ECT2: variants seen among roughly 807,000 people sequenced by gnomAD.
ECT2 encodes epithelial cell transforming 2.
ECT2 carries 61 observed loss-of-function variants against 116.9 expected under a neutral mutation model. The ratio of observed to expected loss-of-function variants is 0.52; its 90% CI spans 0.42 to 0.65. The LOEUF (loss-of-function observed/expected upper bound fraction) is 0.65. Ranked by LOEUF, ECT2 falls within the 30% of genes least tolerant of loss-of-function variation. The pLI, the probability that ECT2 is intolerant of heterozygous loss-of-function variation, is 0.00. For synonymous variants in ECT2, 358 were observed against 346.4 expected (o/e 1.03, Z -0.37); for missense variants, 937 against 1,078.7 (o/e 0.87, Z 1.84).
chr3:172,754,639 G>T lies in ECT2; in HGVS notation c.109G>T (p.Gly37Ter). ...GATTTCCAAGGAAAACTTACTTATTGGATCTACTTCATATGTAGAAGGTAA... is the reference window on the plus strand; with the variant it reads ...GATTTCCAAGGAAAACTTACTTATTTGATCTACTTCATATGTAGAAGGTAA... ...TEISKENLLIGSTSYVEEEMP... is the reference protein window; with the variant it reads ...TEISKENLLI The change falls in exon 2 of 25, where the codon GGA becomes TGA. Residue 37 changes from glycine (G) to a stop codon, truncating the protein, a stop_gained. Coordinates refer to ENST00000392692, the MANE Select transcript of ECT2 (RefSeq NM_001258315.2). LOFTEE classifies it high-confidence loss of function. 6.2e-7 allele frequency: 1 copy of T among 1,609,662 alleles called. No homozygotes were observed. The highest frequency in any genetic ancestry group is 8.5e-7 in the Non-Finnish European group (1 of 1,177,236).
chr3:172,807,705 C>A, intron 21 of ECT2, 65 bp from the exon 22 acceptor site: 1 of 1,524,724 alleles, frequency 6.6e-7, no homozygotes, highest in Non-Finnish European at 8.9e-7. Flanking sequence ...GGGAACTAAA[C>A]TTGCATACAT....
chr3:172,820,269 T>A lies in ECT2; in HGVS notation c.*32T>A. The A allele has an allele frequency of 6.7e-7, 1 of 1,484,310 alleles. No homozygotes were observed. Among genetic ancestry groups the A allele is most frequent in the Non-Finnish European group, 9.3e-7 (1 of 1,076,842 alleles). 91.9% of individuals were successfully genotyped at this position (1,484,310 alleles called of 1,614,324 possible). On this transcript the variant is annotated 3_prime_UTR_variant, in exon 25 of 25. Transcript: ENST00000392692. ...ACCAAAATCTTAAATTATAGAAATG[T>A]ATAGACACCTCATACTCAAATAAGA... is the stretch of plus-strand genomic sequence containing the variant.
rs184727463 is a variant in ECT2 at position 172,760,815 on chromosome 3, G to A, written c.684+552G>A. Among the ~76,000 whole-genome samples, 704 of 148,974 alleles carry A rather than the reference G, an allele frequency of 4.7e-3. 9 individuals are homozygous for A. Among genetic ancestry groups the A allele is most frequent in the South Asian group, 0.045 (211 of 4,688 alleles). On this transcript the variant is annotated intron_variant, in intron 7 of 24. Transcript: ENST00000392692. Reference sequence around the variant, plus strand: ...GGCTCACTGCAAGCTCCGCCTCCTGGGTTCACGCCATTCTCCTGCCTCAGC... The same window carrying A: ...GGCTCACTGCAAGCTCCGCCTCCTGAGTTCACGCCATTCTCCTGCCTCAGC...
chr3:172,786,425 A>T, intron 17 of ECT2, 68 bp from the exon 18 acceptor site: 2 of 976,600 alleles, frequency 2.0e-6, no homozygotes, highest in Middle Eastern at 4.5e-4. Flanking sequence ...CAAGATGGAC[A>T]GCATTTTAGT....
At chr3:172,782,859 A>C (rs1471261000) in intron 15 of ECT2, among the ~76,000 whole-genome samples, 1 of 151,740 alleles carries the variant, frequency 6.6e-6, no homozygotes, top group African/African-American at 2.4e-5. Flanking sequence ...GTTCCTGCAA[A>C]GGGCATGATC....
At chr3:172,788,941 C>T (rs1724100509) in intron 18 of ECT2, among the ~76,000 whole-genome samples, 1 of 151,564 alleles carries the variant, frequency 6.6e-6, no homozygotes, top group Non-Finnish European at 1.5e-5. Flanking sequence ...GCCTGTAATC[C>T]CAGCTACTTG....
intron 12 of ECT2, among the ~76,000 whole-genome samples, chr3:172,765,780 T>C (rs1719257044): frequency 6.6e-6 from 1 of 152,202 alleles, no homozygotes; most frequent in African/African-American, 2.4e-5. Context: ...CTCATCTGCC[T>C]AATCTCATGT....
At chr3:172,776,831 A>G (rs757207079) in intron 14 of ECT2, among the ~76,000 whole-genome samples, 3 of 151,840 alleles carry the variant, frequency 2.0e-5, no homozygotes, top group Non-Finnish European at 4.4e-5. Flanking sequence ...ATTTTATAAT[A>G]TCACATAGTG....
chr3:172,784,624 T>C (rs1313346609), intron 16 of ECT2, 83 bp from the exon 17 acceptor site: 2 of 930,196 alleles, frequency 2.2e-6, no homozygotes. Context: ...CAGACACTAA[T>C]GATAAGGTGT....
At chr3:172,791,225 G>A (rs578100595) in intron 18 of ECT2, among the ~76,000 whole-genome samples, 1 of 152,302 alleles carries the variant, frequency 6.6e-6, no homozygotes, top group Admixed American at 6.5e-5. Context: ...TAGAGCACAG[G>A]CAGAGTCGAT....
intron 14 of ECT2, among the ~76,000 whole-genome samples, chr3:172,778,391 A>G (rs961552969): frequency 6.6e-6 from 1 of 152,132 alleles, no homozygotes; most frequent in East Asian, 1.9e-4. Flanking sequence ...TAGTGGTATT[A>G]TGAATAAAGC....
intron 21 of ECT2, chr3:172,806,177 T>G (rs1371526069): frequency 5.4e-6 from 1 of 183,926 alleles, no homozygotes; most frequent in East Asian, 1.3e-4. Context: ...ACACCAAAAT[T>G]TATTTTTTTG....
intron 17 of ECT2, 91 bp from the exon 18 acceptor site, chr3:172,786,402 A>C: frequency 1.3e-6 from 1 of 759,616 alleles, no homozygotes; most frequent in South Asian, 2.0e-5. Context: ...TTATCTTTAA[A>C]AATTAGCTGT....
chr3:172,823,210 TAGGTC>T (rs1482270314), downstream of ECT2, among the ~76,000 whole-genome samples: 1 of 152,038 alleles, frequency 6.6e-6, no homozygotes, highest in Non-Finnish European at 1.5e-5. Context: ...CAATACAAAA[TAGGTC>T]AATATAAACA....
chr3:172,796,324 T>A (rs1295164973), intron 18 of ECT2: 2 of 152,208 alleles, frequency 1.3e-5, no homozygotes, highest in African/African-American at 2.4e-5. Context: ...TAAACATTGG[T>A]GTCAGGAGTG....
intron 5 of ECT2, among the ~76,000 whole-genome samples, 171 bp from the exon 6 acceptor site, chr3:172,758,809 C>G (rs929391883): frequency 6.6e-6 from 1 of 152,138 alleles, no homozygotes; most frequent in Admixed American, 6.5e-5. Flanking sequence ...GGGAAACTTG[C>G]AATCTGTCGT....
At chr3:172,784,563 C>T (rs1723279403) in intron 16 of ECT2, 144 bp from the exon 17 acceptor site, 1 of 603,382 alleles carries the variant, frequency 1.7e-6, no homozygotes, top group East Asian at 2.8e-5. Context: ...ATTATTCAGC[C>T]AAGTAATCAG....
intron 24 of ECT2, among the ~76,000 whole-genome samples, chr3:172,819,243 T>G (rs1730317480): frequency 6.6e-6 from 1 of 151,440 alleles, no homozygotes; most frequent in African/African-American, 2.4e-5. Context: ...TTTAAATGCT[T>G]CATTTTACAA....
chr3:172,825,337 T>G (rs1469013760), downstream of ECT2, among the ~76,000 whole-genome samples: 1 of 151,926 alleles, frequency 6.6e-6, no homozygotes, highest in African/African-American at 2.4e-5. Context: ...ATTAGACTAA[T>G]TAATAATTAA....
Sources: allele counts gnomAD v4.1 joint callset (sites outside exome capture counted in the v4.1 genomes callset), GRCh38; gene constraint gnomAD v4.1.1; transcripts MANE v1.5; gene names NCBI Gene and HGNC (gene_info 2026-07-23, HGNC 2026-07-21).